Variants in SGTA observed in about 807,000 individuals in gnomAD.
SGTA encodes the protein small glutamine rich tetratricopeptide repeat co-chaperone alpha, also known as small glutamine-rich tetratricopeptide repeat-containing protein alpha.
Under a neutral mutation model 44.3 loss-of-function variants are expected in SGTA, and 22 were observed. That is an observed-to-expected ratio of 0.50 (90% confidence interval 0.36 to 0.71). The LOEUF (loss-of-function observed/expected upper bound fraction) is 0.71. SGTA is among the 30% of genes least tolerant of loss of function. SGTA has a pLI of 0.00. For missense variants in SGTA, 341 were observed against 435.9 expected (o/e 0.78, Z 1.94); for synonymous variants, 174 against 177.6 (o/e 0.98, Z 0.16).
In SGTA at chr19:2,759,258, G is replaced by A; in HGVS notation, c.736C>T (p.Leu246Phe). 6.8e-6 allele frequency: 11 copies of A among 1,614,030 alleles called. No individual in the cohort carries two copies. Among genetic ancestry groups the A allele is most frequent in the Non-Finnish European group, 9.3e-6 (11 of 1,179,900 alleles). Reference sequence around the variant, plus strand: ...CGAAGAAACCCGGTTGTCACTTACAGCTGCTGAATCTGGGGATTGTTCATT... The same window carrying A: ...CGAAGAAACCCGGTTGTCACTTACAACTGCTGAATCTGGGGATTGTTCATT... ...NLMNNPQIQQ[L>F]MSGMISGGNN... The change falls in exon 9 of 12, where the codon CTC becomes TTC. Residue 246 changes from leucine to phenylalanine, a missense_variant and splice_region_variant. Coordinates refer to ENST00000221566, the MANE Select transcript of SGTA (RefSeq NM_003021.4).
At chr19:2,775,295 T>C (rs1422433661) in intron 1 of SGTA, among the ~76,000 whole-genome samples, 3 of 152,186 alleles carry the variant, frequency 2.0e-5, no homozygotes, top group Non-Finnish European at 4.4e-5. Flanking sequence ...AAAATGCCTC[T>C]ACATGAGGTG....
chr19:2,774,391 C>T (rs532918551), intron 1 of SGTA, among the ~76,000 whole-genome samples: 2 of 152,148 alleles, frequency 1.3e-5, no homozygotes, highest in Non-Finnish European at 1.5e-5. Flanking sequence ...AGCAGCTGCG[C>T]GTTGCTCACT....
rs367711534 is a variant in SGTA, at chr19:2,767,176, G to A, written c.252C>T (p.Ser84=). 23 of 1,612,888 alleles carry A rather than the reference G, an allele frequency of 1.4e-5. No individual in the cohort carries two copies. Among genetic ancestry groups the A allele is most frequent in the East Asian group, 8.9e-5 (4 of 44,846 alleles). ...GCTCTGCCTCTGCTGAGTCCTCCTCGGAAGGCGGGGTTCGCGCGGGGCTCC... is the reference window on the plus strand; with the variant it reads ...GCTCTGCCTCTGCTGAGTCCTCCTCAGAAGGCGGGGTTCGCGCGGGGCTCC... The part of the protein sequence containing the change: ...DLRSPARTPP[S]EEDSAEAERL... Residue 84 remains serine (S), a synonymous_variant, in exon 4 of 12, where the codon TCC becomes TCT. Coordinates refer to ENST00000221566, the MANE Select transcript of SGTA (RefSeq NM_003021.4). This position sits in a 1 kb window ranked among gnomAD's most constrained non-coding sequence, Gnocchi z 7.3.
At chr19:2,757,301 C>A in intron 11 of SGTA, 36 bp downstream of exon 11, 1 of 1,593,198 alleles carries the variant, frequency 6.3e-7, no homozygotes, top group Non-Finnish European at 8.5e-7. Context: ...GTCACTCCTG[C>A]TGGCCACCCC....
At position 2,772,454 on chromosome 19, in the gene SGTA, G is replaced by A. The variant is rs530119915; in HGVS notation, c.-23-3363C>T. Among the ~76,000 whole-genome samples the A allele has an allele frequency of 1.3e-3, 204 of 152,328 alleles. 2 individuals are homozygous for A. The highest frequency in any genetic ancestry group is 4.4e-3 in the African/African-American group (184 of 41,564). ...CAGCACAGTGCAAGGGGTCTCTGCC[G>A]CCAGGTCCCACTCCCCAGCTGGGCC... On this transcript the variant is annotated intron_variant, in intron 1 of 11. Transcript: ENST00000221566.
At chr19:2,779,713 G>A (rs1169302932) in intron 1 of SGTA, among the ~76,000 whole-genome samples, 1 of 152,164 alleles carries the variant, frequency 6.6e-6, no homozygotes, top group Admixed American at 6.5e-5. Context: ...CGTCCCTTTC[G>A]GCTCTGAGCC....
At chr19:2,778,545 G>A (rs1005556) in intron 1 of SGTA, among the ~76,000 whole-genome samples, 4 of 151,154 alleles carry the variant, frequency 2.6e-5, no homozygotes, top group Non-Finnish European at 4.4e-5. Flanking sequence ...CTTAGCCTCA[G>A]GGTCTCCACC....
At chr19:2,778,837 G>A (rs538025468) in intron 1 of SGTA, among the ~76,000 whole-genome samples, 1 of 152,180 alleles carries the variant, frequency 6.6e-6, no homozygotes, top group African/African-American at 2.4e-5. Context: ...GGGAGAGGGA[G>A]CAAGGAGGTG....
intron 1 of SGTA, among the ~76,000 whole-genome samples, chr19:2,777,146 G>A (rs1182737672): frequency 6.6e-6 from 1 of 151,664 alleles, no homozygotes; most frequent in Non-Finnish European, 1.5e-5. Flanking sequence ...AGCTACTTGG[G>A]AGGCTGAGGC....
chr19:2,761,792 C>T lies in SGTA; in HGVS notation c.637-270G>A, dbSNP rs956656797. On this transcript the variant is annotated intron_variant, in intron 7 of 11. Coordinates refer to ENST00000221566, the MANE Select transcript of SGTA (RefSeq NM_003021.4). The surrounding 1 kb of genome is among the most constrained non-coding windows in gnomAD (Gnocchi z 5.7). ...GTGTTTATTCCCCGCACAGCGCGACCGCCCGGGGACGGCACAGTCTATCAT... is the reference window on the plus strand; with the variant it reads ...GTGTTTATTCCCCGCACAGCGCGACTGCCCGGGGACGGCACAGTCTATCAT... 2.7e-5 allele frequency among the ~76,000 whole-genome samples: 4 copies of T among 146,626 alleles called. No individual in the cohort carries two copies. The highest frequency in any genetic ancestry group is 4.5e-5 in the Non-Finnish European group (3 of 66,394).
rs1279211306 is a variant in SGTA at position 2,765,749 on chromosome 19, T to C, written c.293-464A>G. 6.6e-6 allele frequency among the ~76,000 whole-genome samples: 1 copy of C among 152,120 alleles called. No individual in the cohort carries two copies. The highest frequency in any genetic ancestry group is 6.5e-5 in the Admixed American group (1 of 15,280). On this transcript the variant is annotated intron_variant, in intron 4 of 11. Coordinates refer to ENST00000221566, the MANE Select transcript of SGTA (RefSeq NM_003021.4). This position sits in a 1 kb window ranked among gnomAD's most constrained non-coding sequence, Gnocchi z 5.5. ...TTCTATCTGAGGCATGGGTCCCAGC[T>C]GGTAGGACGGTAAAAACCCCAGCTG... is the stretch of plus-strand genomic sequence containing the variant.
chr19:2,777,341 T>C (rs758718603), intron 1 of SGTA, among the ~76,000 whole-genome samples: 6 of 150,616 alleles, frequency 4.0e-5, no homozygotes, highest in East Asian at 2.0e-4. Context: ...CACTTGAGCA[T>C]AGGAATTCAA....
rs1599502353 is a variant in SGTA, at chr19:2,767,806, A to C, written c.101-120T>G. ...AGGTGTGTTCATTCCCAAGGACCCC[A>C]GAACGCAGGGGCCGCCGCCTGTGCT... On this transcript the variant is annotated intron_variant, in intron 2 of 11. Coordinates refer to ENST00000221566, the MANE Select transcript of SGTA (RefSeq NM_003021.4). This position sits in a 1 kb window ranked among gnomAD's most constrained non-coding sequence, Gnocchi z 7.3. 1 of 748,358 alleles carries C rather than the reference A, an allele frequency of 1.3e-6. No homozygotes were observed. Among genetic ancestry groups the C allele is most frequent in the African/African-American group, 1.7e-5 (1 of 57,698 alleles). 46.4% of individuals were successfully genotyped at this position (748,358 alleles called of 1,614,324 possible). A position where few individuals can be genotyped will look rare whatever the true frequency, so the allele number is the denominator to read the frequency against.
chr19:2,769,413 C>T (rs1223026900), intron 1 of SGTA, among the ~76,000 whole-genome samples: 1 of 152,172 alleles, frequency 6.6e-6, no homozygotes, highest in Admixed American at 6.5e-5. Context: ...CCCCTCCGCC[C>T]CTGCTTCTGG....
At chr19:2,757,965 T>C (rs960357923) in intron 9 of SGTA, among the ~76,000 whole-genome samples, 183 bp from the exon 10 acceptor site, 13 of 152,136 alleles carry the variant, frequency 8.5e-5, no homozygotes, top group African/African-American at 3.1e-4. Flanking sequence ...TTCACCTGCT[T>C]TCCCAGAACA....
intron 1 of SGTA, among the ~76,000 whole-genome samples, chr19:2,777,133 C>A (rs142471347): frequency 6.6e-6 from 1 of 151,712 alleles, no homozygotes; most frequent in African/African-American, 2.4e-5. Flanking sequence ...CGCCTGTAAT[C>A]CCAGCTACTT....
chr19:2,759,438 AC>A (rs1431472813), intron 8 of SGTA, 144 bp from the exon 9 acceptor site: 28 of 726,128 alleles, frequency 3.9e-5, no homozygotes, highest in Non-Finnish European at 6.3e-5. Context: ...GGTCTTTCAT[AC>A]CCTTTTCCCT....
At chr19:2,782,519 A>G (rs1259298027) in intron 1 of SGTA, 1 of 152,064 alleles carries the variant, frequency 6.6e-6, no homozygotes, top group Non-Finnish European at 1.5e-5. Flanking sequence ...TGCTTTTACA[A>G]CTCGTTTGCG....
rs145382596 is a variant in SGTA at position 2,766,348 on chromosome 19, C to T, written c.292+788G>A. Among the ~76,000 whole-genome samples the T allele has an allele frequency of 2.1e-4, 32 of 152,318 alleles. No homozygotes were observed. In the South Asian group the frequency reaches 3.3e-3, roughly 16 times the overall value. On this transcript the variant is annotated intron_variant, in intron 4 of 11. Coordinates refer to ENST00000221566, the MANE Select transcript of SGTA (RefSeq NM_003021.4). ...AGAGCCTCACCCATCCACATTCCAC[C>T]GTGTAGATGGGCCATGCTGTGCTGA... is the stretch of plus-strand genomic sequence containing the variant.
Sources: gnomAD v4.1 joint callset for allele counts (sites outside exome capture counted in the v4.1 genomes callset) on GRCh38, gnomAD v4.1.1 for gene constraint, Gnocchi (gnomAD v3.1) non-coding constraint, MANE v1.5 for transcripts, NCBI Gene and HGNC (gene_info 2026-07-23, HGNC 2026-07-21) for gene names.